The following CTNND2 variants were observed in gnomAD, a reference collection of about 807,000 sequenced individuals.
CTNND2 encodes catenin delta 2.
CTNND2 carries 22 observed loss-of-function variants against 144.4 expected under a neutral mutation model. The ratio of observed to expected loss-of-function variants is 0.15; its 90% confidence interval spans 0.11 to 0.22. CTNND2 has a LOEUF of 0.22. Ranked by LOEUF, CTNND2 falls within the 10% of genes least tolerant of loss-of-function variation. The pLI is 1.00. For synonymous variants in CTNND2, 751 were observed against 695.6 expected, an observed-to-expected ratio of 1.08 and a Z score of -1.25; for missense variants, 1,353 against 1,618.8, an observed-to-expected ratio of 0.84 and a Z score of 2.82.
Position 10,973,463 on chromosome 5 carries a change from G to C in CTNND2, c.3668C>G (p.Ser1223Cys). The change falls in exon 22 of 22, where the codon TCC (serine) becomes TGC (cysteine). Residue 1223 changes from serine to cysteine, a missense_variant. Coordinates refer to ENST00000304623, the MANE Select transcript of CTNND2 (RefSeq NM_001332.4). The surrounding 1 kb of genome is among the most constrained non-coding windows in gnomAD (Gnocchi z 5.6). ...CCTGTGCCCTGCTCCTCACACCCAG[G>C]AGTCGGGGGAGGCCGGGTAGTGGCT... ...ETSHYPASPD[S>C]WV 1 of 1,592,556 alleles carries C rather than the reference G, an allele frequency of 6.3e-7. No individual in the cohort carries two copies. The highest frequency in any genetic ancestry group is 8.6e-7 in the Non-Finnish European group (1 of 1,166,778).
At chr5:11,446,671 A>G (rs1319582484) in intron 3 of CTNND2, among the ~76,000 whole-genome samples, 1 of 152,018 alleles carries the variant, frequency 6.6e-6, no homozygotes, top group Non-Finnish European at 1.5e-5. Flanking sequence ...TTCAGTCTGT[A>G]CCCCACATCT....
intron 2 of CTNND2, among the ~76,000 whole-genome samples, chr5:11,719,833 TACAC>T (rs36223515): frequency 0.072 from 10,162 of 141,968 alleles, 405 homozygotes; most frequent in Non-Finnish European, 0.083. Context: ...CTCTGACATA[TACAC>T]ACACACACAC....
At chr5:11,011,219 A>T (rs1741044053) in intron 18 of CTNND2, among the ~76,000 whole-genome samples, 2 of 151,960 alleles carry the variant, frequency 1.3e-5, no homozygotes, top group African/African-American at 2.4e-5. Context: ...TTTATTTTTT[A>T]TTTTTATTTT....
At chr5:11,394,629 T>C (rs2149812857) in intron 6 of CTNND2, among the ~76,000 whole-genome samples, 1 of 152,338 alleles carries the variant, frequency 6.6e-6, no homozygotes, top group Admixed American at 6.5e-5. Context: ...TTTTAAAGAG[T>C]AATGTCAGAG....
At chr5:11,268,566 G>C (rs1347631956) in intron 9 of CTNND2, among the ~76,000 whole-genome samples, 1 of 152,152 alleles carries the variant, frequency 6.6e-6, no homozygotes. Context: ...CTGCACTCCA[G>C]CCTGGGTAGC....
chr5:11,009,444 C>T (rs71599558), intron 18 of CTNND2, among the ~76,000 whole-genome samples: 7,771 of 152,252 alleles, frequency 0.051, 284 homozygotes, highest in Non-Finnish European at 0.073. Flanking sequence ...AAACTGATCA[C>T]GCTGTCTCTC....
At chr5:11,341,555 C>G (rs1754276659) in intron 9 of CTNND2, among the ~76,000 whole-genome samples, 1 of 152,104 alleles carries the variant, frequency 6.6e-6, no homozygotes, top group African/African-American at 2.4e-5. Flanking sequence ...GCAAACTACC[C>G]AGAGATTCAT....
intron 1 of CTNND2, among the ~76,000 whole-genome samples, chr5:11,765,336 G>A (rs1789520859): frequency 6.6e-6 from 1 of 152,198 alleles, no homozygotes; most frequent in South Asian, 2.1e-4. Flanking sequence ...AGAAGGGGCA[G>A]TCCCAACCAC....
At chr5:11,355,152 C>A (rs1460191067) in intron 8 of CTNND2, among the ~76,000 whole-genome samples, 1 of 151,984 alleles carries the variant, frequency 6.6e-6, no homozygotes, top group African/African-American at 2.4e-5. Flanking sequence ...AGAAAGATTT[C>A]TAATAAACAA....
chr5:11,006,571 G>A (rs898796546), intron 18 of CTNND2, among the ~76,000 whole-genome samples: 1 of 152,226 alleles, frequency 6.6e-6, no homozygotes, highest in Non-Finnish European at 1.5e-5. Flanking sequence ...TTAGGTCTGC[G>A]TGTTACAGTG....
intron 2 of CTNND2, among the ~76,000 whole-genome samples, chr5:11,648,947 G>A (rs1198744620): frequency 2.0e-5 from 3 of 152,164 alleles, no homozygotes; most frequent in Admixed American, 6.5e-5. Context: ...CACATTAATT[G>A]CTGTAGATGG....
At chr5:11,055,156 G>C (rs1746222387) in intron 16 of CTNND2, among the ~76,000 whole-genome samples, 2 of 152,300 alleles carry the variant, frequency 1.3e-5, no homozygotes, top group South Asian at 4.1e-4. Flanking sequence ...GGTACTGAAT[G>C]AACCAGGGTT....
chr5:11,784,515 G>A (rs1169004180), intron 1 of CTNND2, among the ~76,000 whole-genome samples: 1 of 152,020 alleles, frequency 6.6e-6, no homozygotes, highest in Non-Finnish European at 1.5e-5. Context: ...AAATACAATG[G>A]GATATCCTTC....
At chr5:11,586,727 A>AAT (rs964237150) in intron 2 of CTNND2, among the ~76,000 whole-genome samples, 6 of 152,210 alleles carry the variant, frequency 3.9e-5, no homozygotes, top group African/African-American at 9.7e-5. Flanking sequence ...CAAATGGGCA[A>AAT]ATATATATTT....
At chr5:11,036,808 G>T (rs2149560568) in intron 16 of CTNND2, among the ~76,000 whole-genome samples, 1 of 152,260 alleles carries the variant, frequency 6.6e-6, no homozygotes, top group Non-Finnish European at 1.5e-5. Context: ...AGGGATCCTA[G>T]AAATAATTGG....
chr5:11,520,836 C>T (rs914687362), intron 3 of CTNND2, among the ~76,000 whole-genome samples: 7 of 152,162 alleles, frequency 4.6e-5, no homozygotes, highest in African/African-American at 1.7e-4. Context: ...TAGCACCTAG[C>T]AGTTTGTGAT....
intron 3 of CTNND2, among the ~76,000 whole-genome samples, chr5:11,562,945 C>A (rs997243607): frequency 2.6e-5 from 4 of 152,212 alleles, no homozygotes; most frequent in African/African-American, 7.2e-5. Context: ...GGCCATATGG[C>A]TTCTCTGTTT....
rs368921341 is a variant in CTNND2, at chr5:11,177,452, A to G, written c.1976-17693T>C. On this transcript the variant is annotated intron_variant, in intron 11 of 21. Transcript: ENST00000304623. Reference sequence around the variant, plus strand: ...GAAAGAAAGGACAAAAAACAGCTAAAAAATTATTGGCCTATACAAGACTCT... The same window carrying G: ...GAAAGAAAGGACAAAAAACAGCTAAGAAATTATTGGCCTATACAAGACTCT... 2.2e-4 allele frequency among the ~76,000 whole-genome samples: 33 copies of G among 152,314 alleles called. 1 individual carries two copies. The highest frequency in any genetic ancestry group is 6.5e-4 in the African/African-American group (27 of 41,580).
At chr5:11,781,128 C>T (rs989283856) in intron 1 of CTNND2, among the ~76,000 whole-genome samples, 3 of 152,118 alleles carry the variant, frequency 2.0e-5, no homozygotes, top group Admixed American at 2.0e-4. Flanking sequence ...TTAACACACA[C>T]CTGTTGCTGC....
Sources: gnomAD v4.1 joint callset for allele counts (sites outside exome capture counted in the v4.1 genomes callset) on GRCh38, gnomAD v4.1.1 for gene constraint, Gnocchi (gnomAD v3.1) non-coding constraint, MANE v1.5 for transcripts, NCBI Gene and HGNC (gene_info 2026-07-23, HGNC 2026-07-21) for gene names.